The following LIN52 variants were observed in gnomAD, a reference collection of about 807,000 sequenced individuals.
LIN52 encodes lin-52 DREAM MuvB core complex component.
Under a neutral mutation model 18.5 loss-of-function variants are expected in LIN52, and 4 were observed. The ratio of observed to expected loss-of-function variants is 0.22; its 90% CI spans 0.11 to 0.49. LIN52 has a LOEUF of 0.49. LIN52 is among the 20% of genes least tolerant of loss of function. The probability of loss-of-function intolerance (pLI) is 0.97; values close to 1 mark genes in which losing one functional copy is unlikely to be tolerated. For missense variants in LIN52, 102 were observed against 139.5 expected, an observed-to-expected ratio of 0.73 and a Z score of 1.35; for synonymous variants, 34 against 45.5, an observed-to-expected ratio of 0.75 and a Z score of 1.02.
At chr14:74,112,377 G>A (rs541731046) in intron 5 of LIN52, among the ~76,000 whole-genome samples, 87 of 151,052 alleles carry the variant, frequency 5.8e-4, no homozygotes, top group African/African-American at 2.0e-3. Context: ...GCACAATCTC[G>A]GCTCACTGCA....
intron 5 of LIN52, among the ~76,000 whole-genome samples, chr14:74,138,310 A>G (rs2061109562): frequency 6.6e-6 from 1 of 152,240 alleles, no homozygotes; most frequent in Non-Finnish European, 1.5e-5. Flanking sequence ...GAAAGAATAC[A>G]CTTCAGAATG....
chr14:74,137,129 C>T (rs1885093447), intron 5 of LIN52, among the ~76,000 whole-genome samples: 1 of 148,870 alleles, frequency 6.7e-6, no homozygotes, highest in South Asian at 2.2e-4. Flanking sequence ...GCAAACCCCC[C>T]TCTGTGTGTG....
chr14:74,160,916 T>C (rs1400354648), intron 5 of LIN52, among the ~76,000 whole-genome samples: 5 of 152,202 alleles, frequency 3.3e-5, no homozygotes, highest in Admixed American at 2.0e-4. Context: ...TATAATCAGG[T>C]TATTTCATCT....
intron 5 of LIN52, among the ~76,000 whole-genome samples, chr14:74,131,819 T>C (rs1566857064): frequency 6.6e-6 from 1 of 152,230 alleles, no homozygotes; most frequent in Non-Finnish European, 1.5e-5. Context: ...ATGAGGAAAC[T>C]AAGACCTAAA....
chr14:74,178,811 T>G (rs2061304228), intron 5 of LIN52, among the ~76,000 whole-genome samples: 1 of 151,876 alleles, frequency 6.6e-6, no homozygotes, highest in Admixed American at 6.6e-5. Flanking sequence ...CTGGACATAG[T>G]GCCTCATGCC....
At chr14:74,159,904 C>G (rs11845418) in intron 5 of LIN52, among the ~76,000 whole-genome samples, 1 of 152,034 alleles carries the variant, frequency 6.6e-6, no homozygotes, top group South Asian at 2.1e-4. Context: ...TATGACAAAC[C>G]TACCATACAG....
chr14:74,191,059 T>C (rs150490508), intron 5 of LIN52, among the ~76,000 whole-genome samples: 20 of 152,240 alleles, frequency 1.3e-4, no homozygotes, highest in African/African-American at 4.6e-4. Context: ...GATCTGACAC[T>C]GAGCTGGAGT....
chr14:74,157,268 G>A (rs2061203284), intron 5 of LIN52, among the ~76,000 whole-genome samples: 1 of 151,298 alleles, frequency 6.6e-6, no homozygotes, highest in Non-Finnish European at 1.5e-5. Flanking sequence ...CCTGACCTCA[G>A]GTGATCCTCC....
At chr14:74,162,007 T>G (rs941294199) in intron 5 of LIN52, among the ~76,000 whole-genome samples, 1 of 151,740 alleles carries the variant, frequency 6.6e-6, no homozygotes, top group Admixed American at 6.6e-5. Flanking sequence ...GGGCAAAGGG[T>G]GAGTTAGGAA....
At chr14:74,153,102 T>G (rs1287767253) in intron 5 of LIN52, among the ~76,000 whole-genome samples, 1 of 152,126 alleles carries the variant, frequency 6.6e-6, no homozygotes, top group Non-Finnish European at 1.5e-5. Flanking sequence ...GTGCGTGCAA[T>G]TACTAATTTG....
intron 4 of LIN52, among the ~76,000 whole-genome samples, chr14:74,100,566 C>G (rs1366702916): frequency 6.6e-6 from 1 of 152,028 alleles, no homozygotes; most frequent in African/African-American, 2.4e-5. Flanking sequence ...ACCTTTGCCT[C>G]CTAGGTTCAA....
At chr14:74,089,255 G>A (rs1368480688) in intron 1 of LIN52, among the ~76,000 whole-genome samples, 1 of 152,130 alleles carries the variant, frequency 6.6e-6, no homozygotes, top group Admixed American at 6.6e-5. Flanking sequence ...CATGAAGGAT[G>A]ACATCTGGGT....
intron 5 of LIN52, among the ~76,000 whole-genome samples, chr14:74,170,986 G>A (rs2061267745): frequency 6.8e-6 from 1 of 147,976 alleles, no homozygotes; most frequent in South Asian, 2.1e-4. Flanking sequence ...TTTGAGACAA[G>A]CCTGGGCAAC....
chr14:74,098,240 G>A (rs1330158551), intron 4 of LIN52, among the ~76,000 whole-genome samples: 1 of 152,088 alleles, frequency 6.6e-6, no homozygotes, highest in Admixed American at 6.6e-5. Flanking sequence ...GTTAAAATTT[G>A]GCTAGGCGTG....
chr14:74,117,267 G>A (rs1305448168), intron 5 of LIN52, among the ~76,000 whole-genome samples: 2 of 152,320 alleles, frequency 1.3e-5, no homozygotes, highest in South Asian at 2.1e-4. Flanking sequence ...GGCAAGAGAC[G>A]ATTTAGTTGG....
intron 5 of LIN52, among the ~76,000 whole-genome samples, chr14:74,191,637 C>CTT (rs535302894): frequency 0.012 from 1,755 of 142,348 alleles, 39 homozygotes; most frequent in African/African-American, 0.041. Flanking sequence ...TTCTTTCTTT[C>CTT]TTTTTTTTTT....
chr14:74,127,716 C>T, intron 5 of LIN52, among the ~76,000 whole-genome samples: 1 of 152,084 alleles, frequency 6.6e-6, no homozygotes, highest in East Asian at 1.9e-4. Context: ...TTGAGAATGA[C>T]TTAGGACACA....
intron 5 of LIN52, among the ~76,000 whole-genome samples, chr14:74,164,074 C>T (rs536446357): frequency 4.0e-5 from 6 of 151,566 alleles, no homozygotes; most frequent in African/African-American, 7.3e-5. Context: ...CTCCGCCTCC[C>T]GGGTTCACGC....
intron 5 of LIN52, among the ~76,000 whole-genome samples, chr14:74,173,604 T>C (rs926216163): frequency 6.6e-6 from 1 of 152,228 alleles, no homozygotes; most frequent in Non-Finnish European, 1.5e-5. Context: ...TCTAATCTAC[T>C]TATTTTAAAT....
Sources: gnomAD v4.1 joint callset for allele counts (sites outside exome capture counted in the v4.1 genomes callset) on GRCh38, gnomAD v4.1.1 for gene constraint, MANE v1.5 for transcripts, NCBI Gene and HGNC (gene_info 2026-07-23, HGNC 2026-07-21) for gene names.